Variants in POFUT2 observed in about 807,000 individuals in gnomAD.
POFUT2 encodes protein O-fucosyltransferase 2, also known as GDP-fucose protein O-fucosyltransferase 2.
POFUT2 carries 30 observed loss-of-function variants against 55.0 expected under a neutral mutation model. The ratio of observed to expected loss-of-function variants is 0.55; its 90% CI spans 0.41 to 0.74. The LOEUF (loss-of-function observed/expected upper bound fraction) is 0.74, where lower values mean the gene tolerates loss of function less well. Among genes scored for constraint, POFUT2 ranks in the 30% least tolerant of loss-of-function variants. POFUT2 has a pLI of 0.00. For synonymous variants in POFUT2, 267 were observed against 231.1 expected (o/e 1.16, Z -1.41); for missense variants, 524 against 562.6 (o/e 0.93, Z 0.69).
rs532279422 is a variant in POFUT2, at chr21:45,285,672, C to T, written c.382+6G>A. 16 of 1,613,604 alleles carry T rather than the reference C, an allele frequency of 9.9e-6. No homozygotes were observed. In the East Asian group the frequency reaches 3.6e-4, roughly 36 times the overall value. ...CACGGCCTCCCAGCGTGCCGCTCGG[C>T]CTCACCTGCGATGAACTGCTCATAC... On this transcript the variant is annotated splice_donor_region_variant and intron_variant, in intron 2 of 8. Transcript: ENST00000349485. This position sits in a 1 kb window ranked among gnomAD's most constrained non-coding sequence, Gnocchi z 4.9.
At chr21:45,269,192 C>T (rs1329531640) in intron 7 of POFUT2, among the ~76,000 whole-genome samples, 12 of 150,470 alleles carry the variant, frequency 8.0e-5, no homozygotes, top group Non-Finnish European at 8.9e-5. Context: ...CCCGGCCAGC[C>T]GCCCCGTCCG....
At position 45,282,008 on chromosome 21, in the gene POFUT2, G is replaced by A. The variant is rs530087359; in HGVS notation, c.638+341C>T. On this transcript the variant is annotated intron_variant, in intron 4 of 8. Coordinates refer to ENST00000349485, the MANE Select transcript of POFUT2 (RefSeq NM_133635.6). This position sits in a 1 kb window ranked among gnomAD's most constrained non-coding sequence, Gnocchi z 4.6. ...GGGTGTGGGGAGGGGGGAGGTACTG[G>A]TAAAAGCTGCCCAAGTGCTACAAAT... is the stretch of plus-strand genomic sequence containing the variant. 2.0e-5 allele frequency among the ~76,000 whole-genome samples: 3 copies of A among 152,220 alleles called. No homozygotes were observed. The South Asian group carries it at 6.2e-4, about 32-fold the overall frequency.
chr21:45,277,165 G>T lies in POFUT2; in HGVS notation c.706-23C>A, dbSNP rs373860282. The T allele has an allele frequency of 2.5e-5, 40 of 1,608,146 alleles. No individual in the cohort carries two copies. The highest frequency in any genetic ancestry group is 3.3e-5 in the Non-Finnish European group (39 of 1,178,836). ...GGTCTGTGGAAACGGCGACGGCTCGGCTGAGAACACGCCCGCCCGCCACGC... is the reference window on the plus strand; with the variant it reads ...GGTCTGTGGAAACGGCGACGGCTCGTCTGAGAACACGCCCGCCCGCCACGC... On this transcript the variant is annotated intron_variant, in intron 5 of 8. Transcript: ENST00000349485. The surrounding 1 kb of genome is among the most constrained non-coding windows in gnomAD (Gnocchi z 6.9).
Position 45,282,737 on chromosome 21 carries a change from T to C in POFUT2, c.528-278A>G, listed in dbSNP as rs2030841668. ...AGGGAGCCGGACAGAGGCAGCCCTG[T>C]GCACCTTCAGGGCCAGCCTGGCTGT... On this transcript the variant is annotated intron_variant, in intron 3 of 8. Transcript: ENST00000349485. This position sits in a 1 kb window ranked among gnomAD's most constrained non-coding sequence, Gnocchi z 4.6. 1 of 540,666 alleles carries C rather than the reference T, an allele frequency of 1.8e-6. No homozygotes were observed. The highest frequency in any genetic ancestry group is 2.3e-5 in the Admixed American group (1 of 43,982). 33.5% of individuals were successfully genotyped at this position (540,666 alleles called of 1,614,324 possible). A position where few individuals can be genotyped will look rare whatever the true frequency, so the allele number is the denominator to read the frequency against.
chr21:45,265,552 G>A lies in POFUT2; in HGVS notation c.1220C>T (p.Thr407Met), dbSNP rs144948414. Residue 407 changes from threonine (T) to methionine (M), a missense_variant, in exon 9 of 9, where the codon ACG becomes ATG. Physicochemically the swap from Thr to Met is moderately conservative, Grantham distance 81 (BLOSUM62 -1). Coordinates refer to ENST00000349485, the MANE Select transcript of POFUT2 (RefSeq NM_133635.6). This position sits in a 1 kb window ranked among gnomAD's most constrained non-coding sequence, Gnocchi z 4.6. ...TTGGTCTCCGCAGAACCTGTTGTAC[G>A]TCGTCTTGGGGTCCAACCCCAGGAT... Reference protein sequence around the residue: ...REILGLDPKTTYNRFCGDQEK... With the variant: ...REILGLDPKTMYNRFCGDQEK... The A allele has an allele frequency of 3.7e-6, 6 of 1,614,028 alleles. No homozygotes were observed. The African/African-American group carries it at 4.0e-5, about 11-fold the overall frequency.
intron 3 of POFUT2, 78 bp downstream of exon 3, chr21:45,283,289 GGGCGGGGGGCGCCTGA>G: frequency 5.3e-6 from 3 of 564,534 alleles, no homozygotes; most frequent in Non-Finnish European, 8.9e-6. Flanking sequence ...GGGGAGGAGT[GGGCGGGGGGCGCCTGA>G]GGCGGGGGGG....
chr21:45,272,001 CAG>C (rs2093223110), intron 6 of POFUT2, among the ~76,000 whole-genome samples: 1 of 152,150 alleles, frequency 6.6e-6, no homozygotes, highest in East Asian at 1.9e-4. Context: ...AGAAAGAAAA[CAG>C]AGTATTCAGG....
In POFUT2 at chr21:45,285,562, G is replaced by T; in HGVS notation, c.382+116C>A. On this transcript the variant is annotated intron_variant, in intron 2 of 8. Transcript: ENST00000349485. The surrounding 1 kb of genome is among the most constrained non-coding windows in gnomAD (Gnocchi z 4.9). Reference sequence around the variant, plus strand: ...GCCTCAGGCAGCAGCACTGGGCACTGGAGGATGCTGGTGAGGCTGGATGCA... The same window carrying T: ...GCCTCAGGCAGCAGCACTGGGCACTTGAGGATGCTGGTGAGGCTGGATGCA... 1 of 1,277,852 alleles carries T rather than the reference G, an allele frequency of 7.8e-7. No homozygotes were observed. The highest frequency in any genetic ancestry group is 1.1e-6 in the Non-Finnish European group (1 of 893,640). 79.2% of individuals were successfully genotyped at this position (1,277,852 alleles called of 1,614,324 possible).
At chr21:45,286,383 A>C (rs1396706288) in intron 1 of POFUT2, among the ~76,000 whole-genome samples, 1 of 152,258 alleles carries the variant, frequency 6.6e-6, no homozygotes, top group Non-Finnish European at 1.5e-5. Context: ...ATTTAAATAA[A>C]AAATAAGTGT....
At chr21:45,266,896 C>T (rs776985707) in intron 8 of POFUT2, 1 of 1,014,912 alleles carries the variant, frequency 9.9e-7, no homozygotes, top group South Asian at 4.0e-5. Context: ...TTCACCCTAA[C>T]CCCAGCCTTC....
Position 45,269,017 on chromosome 21 carries a change from G to A in POFUT2, c.1012+822C>T, listed in dbSNP as rs1218714892. On this transcript the variant is annotated intron_variant, in intron 7 of 8. Transcript: ENST00000349485. ...AAAGAGCCCCTCTGCCCGGCCAGCC[G>A]CCCCGTCTGGGAGGGAGGTGGGGGG... Among the ~76,000 whole-genome samples the A allele has an allele frequency of 2.9e-4, 25 of 86,140 alleles. 1 individual carries two copies. Among genetic ancestry groups the A allele is most frequent in the East Asian group, 4.3e-4 (1 of 2,344 alleles). 56.5% of individuals were successfully genotyped at this position (86,140 alleles called of 152,430 possible).
intron 3 of POFUT2, 58 bp downstream of exon 3, chr21:45,283,324 CA>C: frequency 2.4e-6 from 2 of 839,054 alleles, no homozygotes; most frequent in South Asian, 1.9e-5. Flanking sequence ...GGGGGGGACG[CA>C]TGCGGCAGGG....
chr21:45,274,088 C>G (rs970349279), intron 6 of POFUT2, among the ~76,000 whole-genome samples: 2 of 152,166 alleles, frequency 1.3e-5, no homozygotes, highest in African/African-American at 4.8e-5. Flanking sequence ...CCAAAAAGCT[C>G]CCAGATCTGA....
chr21:45,283,582 C>T (rs978123778), intron 2 of POFUT2, 55 bp from the exon 3 acceptor site: 19 of 1,585,718 alleles, frequency 1.2e-5, no homozygotes, highest in East Asian at 6.7e-5. Context: ...AGCTCACTTA[C>T]GGGCATGCAT....
intron 8 of POFUT2, chr21:45,266,531 A>G: frequency 9.3e-7 from 1 of 1,077,400 alleles, no homozygotes; most frequent in Non-Finnish European, 1.1e-6. Context: ...CAGCACCGCC[A>G]AGGTCGCAGT....
At chr21:45,268,867 G>T (rs1387932148) in intron 7 of POFUT2, among the ~76,000 whole-genome samples, 1 of 97,772 alleles carries the variant, frequency 1.0e-5, no homozygotes, top group East Asian at 4.0e-4. Context: ...AGGTGGGGGG[G>T]TCAGCACCCC....
In POFUT2 at chr21:45,281,184, T is replaced by A. The variant is rs557046120; in HGVS notation, c.638+1165A>T. 1.4e-3 allele frequency among the ~76,000 whole-genome samples: 212 copies of A among 152,262 alleles called. No homozygotes were observed. Among genetic ancestry groups the A allele is most frequent in the Middle Eastern group, 6.8e-3 (2 of 294 alleles). On this transcript the variant is annotated intron_variant, in intron 4 of 8. Transcript: ENST00000349485. This position sits in a 1 kb window ranked among gnomAD's most constrained non-coding sequence, Gnocchi z 5.0. ...TCCCCCTGCTCCCCGGCAGAAGCGTTTCTCCTAAATCAGGACCATCTAGTT... is the reference window on the plus strand; with the variant it reads ...TCCCCCTGCTCCCCGGCAGAAGCGTATCTCCTAAATCAGGACCATCTAGTT...
At position 45,267,315 on chromosome 21, in the gene POFUT2, A is replaced by C; in HGVS notation, c.1136+275T>G. 1 of 1,479,760 alleles carries C rather than the reference A, an allele frequency of 6.8e-7. No individual in the cohort carries two copies. Among genetic ancestry groups the C allele is most frequent in the East Asian group, 2.4e-5 (1 of 42,356 alleles). 91.7% of individuals were successfully genotyped at this position (1,479,760 alleles called of 1,614,324 possible). ...ACCGGGAATGATGGGAAAATGCGAC[A>C]CAAGAAGAGGTTCTGAGACGAGGCC... is the stretch of plus-strand genomic sequence containing the variant. On this transcript the variant is annotated intron_variant, in intron 8 of 8. Transcript: ENST00000349485. This position sits in a 1 kb window ranked among gnomAD's most constrained non-coding sequence, Gnocchi z 4.4.
intron 7 of POFUT2, among the ~76,000 whole-genome samples, chr21:45,268,439 C>T (rs1356680964): frequency 1.1e-4 from 17 of 151,784 alleles, no homozygotes; most frequent in Non-Finnish European, 2.2e-4. Flanking sequence ...TCTGCCTGGC[C>T]GCCCATCGTC....
Sources: allele counts gnomAD v4.1 joint callset (sites outside exome capture counted in the v4.1 genomes callset), GRCh38; gene constraint gnomAD v4.1.1; non-coding constraint Gnocchi (gnomAD v3.1); transcripts MANE v1.5; gene names NCBI Gene and HGNC (gene_info 2026-07-23, HGNC 2026-07-21).